Variants in VEZT observed in about 807,000 individuals in gnomAD.
The protein encoded by VEZT is vezatin.
A neutral mutation model predicts 79.9 loss-of-function variants in VEZT; 39 were observed. The observed-to-expected ratio is 0.49, with a 90% CI of 0.38 to 0.64. The LOEUF is 0.64. VEZT is among the 30% of genes least tolerant of loss of function. The pLI is 0.00. For missense variants in VEZT, 837 were observed against 893.1 expected (o/e 0.94, Z 0.80); for synonymous variants, 325 against 327.6 (o/e 0.99, Z 0.09).
At position 95,282,484 on chromosome 12, in the gene VEZT, G is replaced by A. The variant is rs2069434382; in HGVS notation, c.1168G>A (p.Glu390Lys). 8 of 1,613,928 alleles carry A rather than the reference G, an allele frequency of 5.0e-6. No individual in the cohort carries two copies. Among genetic ancestry groups the A allele is most frequent in the Non-Finnish European group, 5.9e-6 (7 of 1,179,886 alleles). The change falls in exon 8 of 12, where the codon GAA becomes AAA. Residue 390 changes from glutamate to lysine, a missense_variant. Physicochemically the swap from Glu to Lys is moderately conservative, Grantham distance 56 (BLOSUM62 1). Transcript: ENST00000436874. ...ACCTCATGCTCATTCTGCCTGTTTGGAAGAGCTTAAGCGCAGCTATGAGTT... is the reference window on the plus strand; with the variant it reads ...ACCTCATGCTCATTCTGCCTGTTTGAAAGAGCTTAAGCGCAGCTATGAGTT... Reference protein sequence around the residue: ...GLPHAHSACLEELKRSYEFYR... With the variant: ...GLPHAHSACLKELKRSYEFYR...
chr12:95,248,934 C>G (rs1197594167), intron 1 of VEZT, among the ~76,000 whole-genome samples: 4 of 151,940 alleles, frequency 2.6e-5, no homozygotes, highest in Non-Finnish European at 5.9e-5. Flanking sequence ...ACCCGTACCC[C>G]CATTTTTGGA....
chr12:95,263,433 T>C (rs2064919460), intron 4 of VEZT, among the ~76,000 whole-genome samples: 1 of 152,164 alleles, frequency 6.6e-6, no homozygotes, highest in Non-Finnish European at 1.5e-5. Flanking sequence ...TAGGATTGCT[T>C]AAGGCCAAGA....
chr12:95,275,126 CTTAAA>C (rs2067383764), intron 7 of VEZT, among the ~76,000 whole-genome samples: 1 of 152,112 alleles, frequency 6.6e-6, no homozygotes, highest in South Asian at 2.1e-4. Context: ...AAAGAAATGC[CTTAAA>C]TTAGAGTTTG....
chr12:95,271,610 A>G (rs751638805), intron 6 of VEZT, among the ~76,000 whole-genome samples: 1 of 152,220 alleles, frequency 6.6e-6, no homozygotes, highest in Non-Finnish European at 1.5e-5. Flanking sequence ...TGGCATGTGA[A>G]CTGTTGGTCA....
In VEZT at chr12:95,218,938, C is replaced by A. The variant is rs192405667; in HGVS notation, c.36+1052C>A. On this transcript the variant is annotated intron_variant, in intron 1 of 11. Coordinates refer to ENST00000436874, the MANE Select transcript of VEZT (RefSeq NM_017599.4). Reference sequence around the variant, plus strand: ...GGGAAGTGTGAAAGTACCTGGTGTGCATTTTTAGGGGGCGGGGTGTGGAGG... The same window carrying A: ...GGGAAGTGTGAAAGTACCTGGTGTGAATTTTTAGGGGGCGGGGTGTGGAGG... 7.9e-5 allele frequency among the ~76,000 whole-genome samples: 12 copies of A among 152,146 alleles called. No homozygotes were observed. The East Asian group carries it at 2.1e-3, about 27-fold the overall frequency.
intron 3 of VEZT, chr12:95,258,297 T>A (rs1045032820): frequency 6.6e-6 from 3 of 455,520 alleles, no homozygotes; most frequent in African/African-American, 6.0e-5. Context: ...GGTATATGGA[T>A]CCATATACAT....
chr12:95,262,274 T>A (rs1330209047), intron 3 of VEZT: 1 of 152,248 alleles, frequency 6.6e-6, no homozygotes, highest in African/African-American at 2.4e-5. Context: ...GAATAGAGAC[T>A]TGTATATCTT....
intron 11 of VEZT, 25 bp from the exon 12 acceptor site, chr12:95,300,138 TTC>T (rs1187069361): frequency 3.0e-6 from 4 of 1,332,986 alleles, no homozygotes; most frequent in South Asian, 2.0e-5. Context: ...GTTATTTTTT[TTC>T]TTTTTTCTTT....
chr12:95,278,335 A>G (rs1252438921), intron 7 of VEZT, among the ~76,000 whole-genome samples: 1 of 152,218 alleles, frequency 6.6e-6, no homozygotes, highest in African/African-American at 2.4e-5. Flanking sequence ...GTGTTTTACA[A>G]ATCAAACTAT....
At chr12:95,279,377 T>C (rs1428806188) in intron 7 of VEZT, among the ~76,000 whole-genome samples, 3 of 152,192 alleles carry the variant, frequency 2.0e-5, no homozygotes, top group Non-Finnish European at 4.4e-5. Flanking sequence ...TTTAAGTTTT[T>C]AACTAGTTTT....
In VEZT at chr12:95,251,946, C is replaced by A. The variant is rs369909426; in HGVS notation, c.43C>A (p.Pro15Thr). The A allele has an allele frequency of 1.1e-5, 18 of 1,598,740 alleles. No homozygotes were observed. Among genetic ancestry groups the A allele is most frequent in the Middle Eastern group, 3.3e-4 (2 of 6,022 alleles). ...TATTTTGTGTCTTTTTCAGAATTCTCCACTTTACCAATACTTACAGGATCT... is the reference window on the plus strand; with the variant it reads ...TATTTTGTGTCTTTTTCAGAATTCTACACTTTACCAATACTTACAGGATCT... Reference protein sequence around the residue: ...FDEEVVFENSPLYQYLQDLGH... With the variant: ...FDEEVVFENSTLYQYLQDLGH... The change falls in exon 2 of 12, where the codon CCA (proline) becomes ACA (threonine). Residue 15 changes from proline (P) to threonine (T), a missense_variant. By Grantham distance (38) the Pro-to-Thr change is conservative. Coordinates refer to ENST00000436874, the MANE Select transcript of VEZT (RefSeq NM_017599.4).
intron 1 of VEZT, among the ~76,000 whole-genome samples, chr12:95,228,335 C>G (rs1242747746): frequency 6.6e-6 from 1 of 152,048 alleles, no homozygotes. Context: ...CATGAAGGTA[C>G]TTTTTCCCTA....
chr12:95,264,044 T>C (rs2065042568), intron 4 of VEZT, among the ~76,000 whole-genome samples: 1 of 152,172 alleles, frequency 6.6e-6, no homozygotes, highest in African/African-American at 2.4e-5. Context: ...AAGGGAGGAA[T>C]GAATCAAGAA....
intron 3 of VEZT, among the ~76,000 whole-genome samples, chr12:95,261,862 C>T (rs1303676683): frequency 3.3e-5 from 5 of 152,234 alleles, no homozygotes; most frequent in African/African-American, 1.2e-4. Flanking sequence ...TTCTCCCCTA[C>T]ATAATGGAGA....
intron 7 of VEZT, among the ~76,000 whole-genome samples, chr12:95,280,524 T>C (rs200174160): frequency 7.3e-6 from 1 of 137,642 alleles, no homozygotes; most frequent in Non-Finnish European, 1.6e-5. Flanking sequence ...TTCATATGTG[T>C]ACACACACAC....
chr12:95,259,053 C>A (rs2063925529), intron 3 of VEZT, among the ~76,000 whole-genome samples: 1 of 152,182 alleles, frequency 6.6e-6, no homozygotes, highest in Non-Finnish European at 1.5e-5. Context: ...AAAGAGTCTG[C>A]ATAATTTGGC....
intron 1 of VEZT, among the ~76,000 whole-genome samples, chr12:95,246,157 C>G (rs911016444): frequency 2.6e-5 from 4 of 151,380 alleles, no homozygotes; most frequent in Admixed American, 2.0e-4. Flanking sequence ...GAGTCTCGCT[C>G]TGTTGCCCAG....
At chr12:95,257,734 A>C (rs1013423325) in intron 3 of VEZT, among the ~76,000 whole-genome samples, 1 of 152,182 alleles carries the variant, frequency 6.6e-6, no homozygotes, top group Non-Finnish European at 1.5e-5. Flanking sequence ...ATAGCCTAAA[A>C]ATTCAAGTTA....
intron 1 of VEZT, among the ~76,000 whole-genome samples, chr12:95,236,207 G>C (rs890965575): frequency 6.6e-6 from 1 of 152,174 alleles, no homozygotes; most frequent in African/African-American, 2.4e-5. Flanking sequence ...GATCACTCGC[G>C]GTTAGGAGCT....
Sources: gnomAD v4.1 joint callset for allele counts (sites outside exome capture counted in the v4.1 genomes callset) on GRCh38, gnomAD v4.1.1 for gene constraint, MANE v1.5 for transcripts, NCBI Gene and HGNC (gene_info 2026-07-23, HGNC 2026-07-21) for gene names.